Variants in KDM4C observed in about 807,000 individuals in gnomAD.
KDM4C encodes lysine demethylase 4C, also known as lysine-specific demethylase 4C.
Under a neutral mutation model 129.3 loss-of-function variants are expected in KDM4C, and 81 were observed. That is an observed-to-expected ratio of 0.63 (90% confidence interval 0.52 to 0.75). The LOEUF (loss-of-function observed/expected upper bound fraction) is 0.75, where lower values mean the gene tolerates loss of function less well. Ranked by LOEUF, KDM4C falls within the 30% of genes least tolerant of loss-of-function variation. The pLI is 0.00. For synonymous variants in KDM4C, 573 were observed against 456.1 expected (o/e 1.26, Z -3.26); for missense variants, 1,457 against 1,304.0 (o/e 1.12, Z -1.81).
At chr9:6,889,035 G>A (rs1196691586) in intron 7 of KDM4C, among the ~76,000 whole-genome samples, 1 of 140,318 alleles carries the variant, frequency 7.1e-6, no homozygotes, top group Non-Finnish European at 1.5e-5. Flanking sequence ...TGATCCGCCC[G>A]CCTCGGCCTC....
In KDM4C at chr9:6,735,286, G is replaced by A. The variant is rs943625950; in HGVS notation, c.49+14289G>A. On this transcript the variant is annotated intron_variant, in intron 1 of 17. Coordinates refer to the KDM4C transcript ENST00000536108. ...TCTGGTAGGAAAATGGACACAGGGC[G>A]CTGGCATCTTTGCCAATCTTAGTAT... 1.2e-4 allele frequency among the ~76,000 whole-genome samples: 19 copies of A among 152,136 alleles called. 2 individuals are homozygous for A. The highest frequency in any genetic ancestry group is 4.1e-4 in the South Asian group (2 of 4,822).
At chr9:6,886,512 T>TTA (rs1845289908) in intron 6 of KDM4C, among the ~76,000 whole-genome samples, 1 of 150,106 alleles carries the variant, frequency 6.7e-6, no homozygotes, top group Non-Finnish European at 1.5e-5. Context: ...TTTTTTTTTT[T>TTA]GAGGAGTCTT....
intron 8 of KDM4C, among the ~76,000 whole-genome samples, chr9:6,898,316 A>C (rs1392590784): frequency 6.6e-6 from 1 of 152,216 alleles, no homozygotes; most frequent in Non-Finnish European, 1.5e-5. Flanking sequence ...AGTAAAAAAG[A>C]ATCATTGTCT....
chr9:6,878,691 TCCTA>T (rs1843957591), intron 5 of KDM4C, among the ~76,000 whole-genome samples: 1 of 152,180 alleles, frequency 6.6e-6, no homozygotes, highest in African/African-American at 2.4e-5. Flanking sequence ...TATCTCCATA[TCCTA>T]CCTTTTTGTT....
In KDM4C at chr9:7,143,350, G is replaced by A. The variant is rs1841939109; in HGVS notation, c.2781+15114G>A. Among the ~76,000 whole-genome samples, 3 of 152,210 alleles carry A rather than the reference G, an allele frequency of 2.0e-5. No homozygotes were observed. In the South Asian group the frequency reaches 6.2e-4, roughly 31 times the overall value. On this transcript the variant is annotated intron_variant, in intron 19 of 21. Transcript: ENST00000381309. ...TGACCAACTATTCAGTGTTCATTAA[G>A]CAAATCAGATGTTAGCAAGAATCAG... is the stretch of plus-strand genomic sequence containing the variant.
intron 8 of KDM4C, among the ~76,000 whole-genome samples, chr9:6,965,241 GA>G (rs200029259): frequency 0.011 from 1,614 of 146,524 alleles, 32 homozygotes; most frequent in African/African-American, 0.039. Flanking sequence ...AAATTGCAAA[GA>G]AAAAAAAAGT....
At chr9:7,149,144 C>G (rs1252717553) in intron 19 of KDM4C, among the ~76,000 whole-genome samples, 2 of 152,360 alleles carry the variant, frequency 1.3e-5, no homozygotes, top group South Asian at 2.1e-4. Flanking sequence ...GGCCTCACTC[C>G]CGTGCTCCTC....
intron 1 of KDM4C, among the ~76,000 whole-genome samples, chr9:6,740,429 T>A (rs1264127171): frequency 6.6e-6 from 1 of 152,110 alleles, no homozygotes; most frequent in Non-Finnish European, 1.5e-5. Flanking sequence ...GGTCTTGATC[T>A]CCTGACCTTG....
chr9:6,821,180 T>C (rs1564090219), intron 4 of KDM4C, among the ~76,000 whole-genome samples: 1 of 144,028 alleles, frequency 6.9e-6, no homozygotes, highest in Non-Finnish European at 1.5e-5. Context: ...GCAGTAAACA[T>C]ATGTGTGCAT....
At chr9:6,835,861 A>G (rs1835783613) in intron 4 of KDM4C, among the ~76,000 whole-genome samples, 2 of 152,032 alleles carry the variant, frequency 1.3e-5, no homozygotes, top group South Asian at 4.1e-4. Flanking sequence ...ATGCATTGTT[A>G]CAGGAAGTTG....
In KDM4C at chr9:7,051,835, A is replaced by G. The variant is rs557091747; in HGVS notation, c.2424+2635A>G. Among the ~76,000 whole-genome samples the G allele has an allele frequency of 3.9e-3, 597 of 152,290 alleles. 8 individuals carry two copies. Among genetic ancestry groups the G allele is most frequent in the African/African-American group, 0.013 (555 of 41,566 alleles). On this transcript the variant is annotated intron_variant, in intron 17 of 21. Transcript: ENST00000381309. ...TCACTTGTCTTGCCATGTAGTATAC[A>G]TTTTTGAATCAGACACAGTTTTTGT...
intron 18 of KDM4C, among the ~76,000 whole-genome samples, chr9:7,109,334 A>C (rs1196972124): frequency 6.6e-6 from 1 of 152,230 alleles, no homozygotes; most frequent in African/African-American, 2.4e-5. Context: ...ACAGTACTAT[A>C]TAATCAACTA....
chr9:7,112,033 C>T (rs752581127), intron 18 of KDM4C, among the ~76,000 whole-genome samples: 2 of 151,872 alleles, frequency 1.3e-5, no homozygotes, highest in Non-Finnish European at 2.9e-5. Context: ...AACGTGTTAC[C>T]CAATAGCTGT....
intron 18 of KDM4C, among the ~76,000 whole-genome samples, chr9:7,116,817 C>T (rs1015958497): frequency 6.6e-6 from 1 of 152,136 alleles, no homozygotes; most frequent in African/African-American, 2.4e-5. Context: ...CTTTCTCTGT[C>T]ATTCTCTCCT....
At chr9:7,056,959 T>C (rs766885962) in intron 17 of KDM4C, among the ~76,000 whole-genome samples, 3 of 152,214 alleles carry the variant, frequency 2.0e-5, no homozygotes, top group Non-Finnish European at 4.4e-5. Context: ...GTTAGACAGC[T>C]CTAAACAATC....
At chr9:6,951,594 CCATTT>C (rs1563872433) in intron 8 of KDM4C, among the ~76,000 whole-genome samples, 1 of 152,120 alleles carries the variant, frequency 6.6e-6, no homozygotes, top group African/African-American at 2.4e-5. Flanking sequence ...CCAGAACTGA[CCATTT>C]AAGCCGAGTG....
At chr9:7,020,913 C>CCT (rs111627580) in intron 15 of KDM4C, among the ~76,000 whole-genome samples, 1 of 141,728 alleles carries the variant, frequency 7.1e-6, no homozygotes, top group East Asian at 2.0e-4. Context: ...ATTCATTTTC[C>CCT]TTTTTTTTTT....
chr9:6,929,806 C>A (rs1823343437), intron 8 of KDM4C, among the ~76,000 whole-genome samples: 1 of 152,104 alleles, frequency 6.6e-6, no homozygotes, highest in South Asian at 2.1e-4. Flanking sequence ...TTCATCTTCC[C>A]TGTTTTGAAA....
At chr9:6,825,179 TTTTTA>T (rs1833692979) in intron 4 of KDM4C, among the ~76,000 whole-genome samples, 1 of 151,342 alleles carries the variant, frequency 6.6e-6, no homozygotes, top group Admixed American at 6.6e-5. Flanking sequence ...GATAGCTGGA[TTTTTA>T]TATCAGCTTC....
Sources: gnomAD v4.1 joint callset for allele counts (sites outside exome capture counted in the v4.1 genomes callset) on GRCh38, gnomAD v4.1.1 for gene constraint, MANE v1.5 for transcripts, NCBI Gene and HGNC (gene_info 2026-07-23, HGNC 2026-07-21) for gene names.